Variants in SRPK1 observed in about 807,000 individuals in gnomAD.
SRPK1 encodes the protein SFRS protein kinase 1.
A neutral mutation model predicts 89.5 loss-of-function variants in SRPK1; 52 were observed. That is an observed-to-expected ratio of 0.58 (90% CI 0.46 to 0.73). The LOEUF (loss-of-function observed/expected upper bound fraction) is 0.73, where lower values mean the gene tolerates loss of function less well. SRPK1 is among the 30% of genes least tolerant of loss of function. The pLI is 0.00. For missense variants in SRPK1, 603 were observed against 780.6 expected (o/e 0.77, Z 2.71); for synonymous variants, 255 against 270.2 (o/e 0.94, Z 0.55).
At chr6:35,856,269 A>G (rs1446721194) in intron 13 of SRPK1, among the ~76,000 whole-genome samples, 1 of 151,780 alleles carries the variant, frequency 6.6e-6, no homozygotes, top group Non-Finnish European at 1.5e-5. Context: ...GGAGGGTGAA[A>G]GTCCTGAGGA....
At chr6:35,877,957 T>C (rs906299985) in intron 6 of SRPK1, among the ~76,000 whole-genome samples, 10 of 152,048 alleles carry the variant, frequency 6.6e-5, no homozygotes, top group African/African-American at 2.4e-4. Flanking sequence ...ATAAAAAGAT[T>C]AGTGAATTTG....
chr6:35,911,668 C>A (rs1000380871), intron 2 of SRPK1, among the ~76,000 whole-genome samples: 12 of 151,948 alleles, frequency 7.9e-5, no homozygotes, highest in Admixed American at 1.3e-4. Flanking sequence ...TGGGCCCAAG[C>A]AATCCTCCCA....
intron 4 of SRPK1, 21 bp downstream of exon 4, chr6:35,888,794 T>C (rs1216259944): frequency 4.0e-6 from 6 of 1,488,272 alleles, no homozygotes; most frequent in South Asian, 1.1e-5. Context: ...CTAATTCTTT[T>C]ACAGAACCAC....
Position 35,850,788 on chromosome 6 carries a change from T to C in SRPK1, c.1620+6473A>G, listed in dbSNP as rs540500791. Among the ~76,000 whole-genome samples the C allele has an allele frequency of 2.8e-4, 43 of 152,266 alleles. 1 individual carries two copies. The highest frequency in any genetic ancestry group is 2.1e-3 in the South Asian group (10 of 4,828). On this transcript the variant is annotated intron_variant, in intron 13 of 15. Coordinates refer to ENST00000373825, the MANE Select transcript of SRPK1 (RefSeq NM_003137.5). ...GTATCTCAGGGAGTGACAAGTTCTATGTGACAAAGAAAAGTGATAAAGTGG... is the reference window on the plus strand; with the variant it reads ...GTATCTCAGGGAGTGACAAGTTCTACGTGACAAAGAAAAGTGATAAAGTGG...
At chr6:35,869,256 C>G in intron 11 of SRPK1, 146 bp from the exon 12 acceptor site, 1 of 867,328 alleles carries the variant, frequency 1.2e-6, no homozygotes. Context: ...AGCACAGCAA[C>G]GCCTTGAGTT....
intron 2 of SRPK1, among the ~76,000 whole-genome samples, chr6:35,916,005 C>T (rs1205375621): frequency 0.018 from 1,125 of 61,780 alleles, 82 homozygotes; most frequent in African/African-American, 0.066. Flanking sequence ...TATACACACA[C>T]ACACACACAC....
intron 14 of SRPK1, among the ~76,000 whole-genome samples, chr6:35,839,329 A>T (rs1271758535): frequency 6.6e-6 from 1 of 152,250 alleles, no homozygotes; most frequent in African/African-American, 2.4e-5. Flanking sequence ...CCCATTTTAA[A>T]GATGAGAAAA....
chr6:35,862,982 C>T (rs949151034), intron 12 of SRPK1, among the ~76,000 whole-genome samples: 3 of 151,862 alleles, frequency 2.0e-5, no homozygotes, highest in Non-Finnish European at 2.9e-5. Context: ...ATAGTGAGAC[C>T]TTGTCTCTAC....
At chr6:35,903,422 G>A (rs1012573738) in intron 2 of SRPK1, among the ~76,000 whole-genome samples, 5 of 151,628 alleles carry the variant, frequency 3.3e-5, no homozygotes, top group Non-Finnish European at 5.9e-5. Context: ...TGAAGCACGA[G>A]AATCACTTGA....
chr6:35,886,111 G>C (rs1037315857), intron 6 of SRPK1, among the ~76,000 whole-genome samples: 1 of 143,714 alleles, frequency 7.0e-6, no homozygotes, highest in Admixed American at 7.1e-5. Flanking sequence ...ACAGAGTCTG[G>C]CTCTGTCCCC....
chr6:35,879,288 C>T (rs756930090), intron 6 of SRPK1, among the ~76,000 whole-genome samples: 1 of 150,208 alleles, frequency 6.7e-6, no homozygotes, highest in Non-Finnish European at 1.5e-5. Context: ...GGCTCATGCA[C>T]GTAATCCCAG....
rs577869158 is a variant in SRPK1, at chr6:35,867,053, A to ACAATGTG, written c.1512+1950_1512+1956dup. Among the ~76,000 whole-genome samples the ACAATGTG allele has an allele frequency of 1.8e-4, 27 of 152,340 alleles. No individual in the cohort carries two copies. In the South Asian group the frequency reaches 5.0e-3, roughly 28 times the overall value. On this transcript the variant is annotated intron_variant, in intron 12 of 15. Transcript: ENST00000373825. ...GATGAAGGGATGTTACTTGGTGGTT[A>ACAATGTG]CAATGTGCACTGTTCCAGTGATGGA...
intron 12 of SRPK1, among the ~76,000 whole-genome samples, chr6:35,861,520 G>A (rs1769782406): frequency 6.6e-6 from 1 of 152,174 alleles, no homozygotes; most frequent in Non-Finnish European, 1.5e-5. Flanking sequence ...GCACTCTCAT[G>A]CACTCCTGGG....
rs990906733 is a variant in SRPK1, at chr6:35,888,045, A to G, written c.369T>C (p.Asp123=). The change falls in exon 5 of 16, where the codon GAT becomes GAC. Residue 123 remains aspartate, a synonymous_variant. Coordinates refer to ENST00000373825, the MANE Select transcript of SRPK1 (RefSeq NM_003137.5). The stretch of plus-strand genomic sequence containing the variant: ...TCACTGACTTCAGCAACCGGATTTC[A>G]TCTAGTGCTGTTTCAGTGTAATGTT... The part of the protein sequence containing the change: ...SAEHYTETAL[D]EIRLLKSVRN... The G allele has an allele frequency of 4.4e-6, 7 of 1,604,750 alleles. No homozygotes were observed. Among genetic ancestry groups the G allele is most frequent in the Non-Finnish European group, 5.1e-6 (6 of 1,177,334 alleles).
At chr6:35,891,774 A>T (rs1194228456) in intron 2 of SRPK1, among the ~76,000 whole-genome samples, 1 of 151,912 alleles carries the variant, frequency 6.6e-6, no homozygotes, top group Non-Finnish European at 1.5e-5. Flanking sequence ...TAGAAGTATC[A>T]CTGCTTACTT....
chr6:35,906,819 A>G (rs1418759080), intron 2 of SRPK1, among the ~76,000 whole-genome samples: 1 of 152,180 alleles, frequency 6.6e-6, no homozygotes, highest in Non-Finnish European at 1.5e-5. Flanking sequence ...TTATACCTCC[A>G]TAAAACTGTA....
chr6:35,892,796 C>T (rs922422767), intron 2 of SRPK1, among the ~76,000 whole-genome samples: 1 of 152,168 alleles, frequency 6.6e-6, no homozygotes, highest in African/African-American at 2.4e-5. Flanking sequence ...ATTTATTTAC[C>T]TTTTCATCAA....
intron 6 of SRPK1, among the ~76,000 whole-genome samples, chr6:35,885,730 G>A (rs182508277): frequency 2.6e-5 from 4 of 152,170 alleles, no homozygotes; most frequent in South Asian, 4.1e-4. Context: ...AGTAAGATTC[G>A]ACTTCATCTT....
At position 35,872,642 on chromosome 6, in the gene SRPK1, A is replaced by G. The variant is rs1770057743; in HGVS notation, c.672T>C (p.Asn224=). 5 of 1,612,714 alleles carry G rather than the reference A, an allele frequency of 3.1e-6. No individual in the cohort carries two copies. In the East Asian group the frequency reaches 1.1e-4, roughly 36 times the overall value. Reference sequence around the variant, plus strand: ...CAGCCAGCCTCCGAATGTACTGCTCATTCACTGACAATAAGATGTTCTCTG... The same window carrying G: ...CAGCCAGCCTCCGAATGTACTGCTCGTTCACTGACAATAAGATGTTCTCTG... ...IKPENILLSV[N]EQYIRRLAAE... The change falls in exon 8 of 16, where the codon AAT becomes AAC. Residue 224 remains asparagine, a synonymous_variant. Coordinates refer to ENST00000373825, the MANE Select transcript of SRPK1 (RefSeq NM_003137.5).
Sources: allele counts gnomAD v4.1 joint callset (sites outside exome capture counted in the v4.1 genomes callset), GRCh38; gene constraint gnomAD v4.1.1; transcripts MANE v1.5; gene names NCBI Gene and HGNC (gene_info 2026-07-23, HGNC 2026-07-21).